CDH13: variants seen among roughly 807,000 people sequenced by gnomAD.
CDH13 encodes the protein cadherin 13.
CDH13 carries 24 observed loss-of-function variants against 63.8 expected under a neutral mutation model. The observed-to-expected ratio is 0.38, with a 90% confidence interval of 0.27 to 0.53. The LOEUF is 0.53. Ranked by LOEUF, CDH13 falls within the 20% of genes least tolerant of loss-of-function variation. The pLI is 0.85. For missense variants in CDH13, 1,049 were observed against 903.1 expected, an observed-to-expected ratio of 1.16 and a Z score of -2.07; for synonymous variants, 503 against 355.3, an observed-to-expected ratio of 1.42 and a Z score of -4.67.
At chr16:83,274,591 G>A (rs1215455363) in intron 5 of CDH13, among the ~76,000 whole-genome samples, 2 of 152,142 alleles carry the variant, frequency 1.3e-5, no homozygotes, top group Non-Finnish European at 2.9e-5. Context: ...TCCCCCCAGA[G>A]AAACCCCCAC....
chr16:82,874,055 C>A (rs1432124146), intron 2 of CDH13, among the ~76,000 whole-genome samples: 1 of 65,654 alleles, frequency 1.5e-5, no homozygotes, highest in Non-Finnish European at 2.8e-5. Context: ...TAATAAGATG[C>A]ACACATTGTA....
chr16:83,769,147 A>C (rs1340405743), intron 11 of CDH13, among the ~76,000 whole-genome samples: 1 of 152,206 alleles, frequency 6.6e-6, no homozygotes, highest in Non-Finnish European at 1.5e-5. Flanking sequence ...GTGAAGTCAT[A>C]GGAAGGGGAG....
chr16:83,421,447 C>T (rs912396645), intron 6 of CDH13, among the ~76,000 whole-genome samples: 6 of 152,066 alleles, frequency 3.9e-5, no homozygotes, highest in African/African-American at 1.4e-4. Flanking sequence ...ATTAATTATC[C>T]TCTGCATGTT....
chr16:83,777,113 C>G (rs973183976), intron 11 of CDH13, among the ~76,000 whole-genome samples: 2 of 152,232 alleles, frequency 1.3e-5, no homozygotes, highest in Non-Finnish European at 2.9e-5. Context: ...CTGCACACAT[C>G]ATGCCTCTCT....
intron 2 of CDH13, among the ~76,000 whole-genome samples, chr16:82,959,717 C>T (rs67038903): frequency 0.15 from 22,795 of 152,184 alleles, 1,824 homozygotes; most frequent in Middle Eastern, 0.21. Context: ...TTCTGTTTGC[C>T]ATATAAGTTT....
At chr16:83,147,017 G>A (rs2036779496) in intron 4 of CDH13, among the ~76,000 whole-genome samples, 1 of 152,104 alleles carries the variant, frequency 6.6e-6, no homozygotes, top group African/African-American at 2.4e-5. Flanking sequence ...GAACTCAAGA[G>A]GTGGAGGCTA....
At chr16:82,964,507 C>T (rs917934612) in intron 2 of CDH13, among the ~76,000 whole-genome samples, 4 of 152,174 alleles carry the variant, frequency 2.6e-5, no homozygotes, top group Non-Finnish European at 5.9e-5. Flanking sequence ...GGATAAGGGC[C>T]ACACAGGTTT....
intron 1 of CDH13, among the ~76,000 whole-genome samples, chr16:82,843,598 C>A (rs976776337): frequency 6.6e-6 from 1 of 152,110 alleles, no homozygotes; most frequent in Non-Finnish European, 1.5e-5. Context: ...ACAAGATAGA[C>A]ATTTTAGTTC....
intron 10 of CDH13, among the ~76,000 whole-genome samples, chr16:83,733,506 C>T (rs1013303209): frequency 6.6e-6 from 1 of 152,166 alleles, no homozygotes; most frequent in South Asian, 2.1e-4. Context: ...TGCTTGGCAG[C>T]CGGCCAGACC....
At chr16:83,030,467 C>A (rs1490971412) in intron 2 of CDH13, among the ~76,000 whole-genome samples, 1 of 151,482 alleles carries the variant, frequency 6.6e-6, no homozygotes, top group Non-Finnish European at 1.5e-5. Flanking sequence ...CATGGTGAAA[C>A]CCCCATCTCT....
At chr16:82,750,568 G>A (rs1395675922) in intron 1 of CDH13, among the ~76,000 whole-genome samples, 1 of 152,192 alleles carries the variant, frequency 6.6e-6, no homozygotes, top group African/African-American at 2.4e-5. Context: ...GGACTTTTCT[G>A]AAAGCTGAGC....
chr16:83,138,187 G>A (rs1306252133), intron 4 of CDH13, among the ~76,000 whole-genome samples: 1 of 152,128 alleles, frequency 6.6e-6, no homozygotes, highest in Non-Finnish European at 1.5e-5. Context: ...TGCCTCTTGA[G>A]CAGGCATACA....
chr16:83,117,497 T>A (rs1250364622), intron 3 of CDH13, among the ~76,000 whole-genome samples: 9 of 152,144 alleles, frequency 5.9e-5, no homozygotes, highest in Non-Finnish European at 1.3e-4. Flanking sequence ...GCTGATCTTT[T>A]TTCTCTTGAG....
chr16:83,577,264 C>G (rs1396087912), intron 7 of CDH13, among the ~76,000 whole-genome samples: 9 of 152,160 alleles, frequency 5.9e-5, no homozygotes, highest in Admixed American at 5.9e-4. Flanking sequence ...GACCAAGTCC[C>G]CTTCATGATT....
At chr16:83,009,425 A>G (rs945001018) in intron 2 of CDH13, among the ~76,000 whole-genome samples, 9 of 152,214 alleles carry the variant, frequency 5.9e-5, no homozygotes, top group Admixed American at 2.6e-4. Context: ...CAACTATTGT[A>G]GGTGTCTTTC....
chr16:83,660,709 G>A (rs528082065), intron 8 of CDH13, among the ~76,000 whole-genome samples: 3 of 152,212 alleles, frequency 2.0e-5, no homozygotes, highest in African/African-American at 7.2e-5. Context: ...CTATGTTATT[G>A]TTTCTTGAAA....
chr16:83,350,765 G>A (rs1005925926), intron 6 of CDH13, among the ~76,000 whole-genome samples: 1 of 152,098 alleles, frequency 6.6e-6, no homozygotes, highest in Non-Finnish European at 1.5e-5. Context: ...TCTCGGGAGG[G>A]GCCAAACCTA....
At position 83,573,398 on chromosome 16, in the gene CDH13, G is replaced by A. The variant is rs116824902; in HGVS notation, c.961-29056G>A. On this transcript the variant is annotated intron_variant, in intron 7 of 13. Coordinates refer to ENST00000567109, the MANE Select transcript of CDH13 (RefSeq NM_001257.5). ...AGCAAAAAAACCGGAATGACAGTCT[G>A]TCAGCATGGAGGTGACCACTGAACC... Among the ~76,000 whole-genome samples the A allele has an allele frequency of 7.9e-3, 1,209 of 152,326 alleles. 17 individuals carry two copies. Among genetic ancestry groups the A allele is most frequent in the African/African-American group, 0.027 (1,134 of 41,566 alleles).
rs188250911 is a variant in CDH13 at position 83,041,528 on chromosome 16, C to T, written c.366+9310C>T. On this transcript the variant is annotated intron_variant, in intron 3 of 13. Coordinates refer to ENST00000567109, the MANE Select transcript of CDH13 (RefSeq NM_001257.5). ...CCAAAAGCCAACGACCCTGCTAATA[C>T]GTCTCTTACTGCATTGGGTGGTTAC... is the stretch of plus-strand genomic sequence containing the variant. Among the ~76,000 whole-genome samples, 330 of 152,126 alleles carry T rather than the reference C, an allele frequency of 2.2e-3. 1 individual carries two copies. Among genetic ancestry groups the T allele is most frequent in the Middle Eastern group, 0.017 (5 of 294 alleles).
Sources: gnomAD v4.1 joint callset for allele counts (sites outside exome capture counted in the v4.1 genomes callset) on GRCh38, gnomAD v4.1.1 for gene constraint, MANE v1.5 for transcripts, NCBI Gene and HGNC (gene_info 2026-07-23, HGNC 2026-07-21) for gene names.